The following ELAPOR1 variants were observed in gnomAD, a reference collection of about 807,000 sequenced individuals.
ELAPOR1 encodes endosome/lysosome-associated apoptosis and autophagy regulator 1.
Under a neutral mutation model 119.7 loss-of-function variants are expected in ELAPOR1, and 77 were observed. The ratio of observed to expected loss-of-function variants is 0.64; its 90% CI spans 0.54 to 0.78. The LOEUF (loss-of-function observed/expected upper bound fraction) is 0.78. ELAPOR1 is among the 30% of genes least tolerant of loss of function. ELAPOR1 has a pLI of 0.00. For synonymous variants in ELAPOR1, 481 were observed against 487.2 expected, an observed-to-expected ratio of 0.99 and a Z score of 0.17; for missense variants, 1,115 against 1,270.4, an observed-to-expected ratio of 0.88 and a Z score of 1.86.
At chr1:109,146,281 C>T (rs1309927933) in intron 1 of ELAPOR1, among the ~76,000 whole-genome samples, 2 of 151,910 alleles carry the variant, frequency 1.3e-5, no homozygotes, top group Non-Finnish European at 2.9e-5. Flanking sequence ...AATTGAGTCG[C>T]TGCACTCCAG....
intron 1 of ELAPOR1, 23 bp downstream of exon 1, chr1:109,114,359 T>G (rs586530): frequency 1.3e-6 from 2 of 1,549,198 alleles, no homozygotes; most frequent in South Asian, 2.4e-5. Flanking sequence ...CCCTACCCGA[T>G]CCCGCTTTGG....
At chr1:109,194,706 GGA>G in intron 15 of ELAPOR1, 112 bp downstream of exon 15, 1 of 940,544 alleles carries the variant, frequency 1.1e-6, no homozygotes. Flanking sequence ...AGGGGGTTGA[GGA>G]GCTTCAAAGG....
intron 1 of ELAPOR1, among the ~76,000 whole-genome samples, chr1:109,154,294 A>AG (rs1250424809): frequency 3.3e-5 from 5 of 151,738 alleles, no homozygotes; most frequent in Admixed American, 1.3e-4. Context: ...AAAAAAAAAA[A>AG]AAAAAAAAAG....
chr1:109,188,584 T>A (rs1653221913), intron 9 of ELAPOR1, among the ~76,000 whole-genome samples: 1 of 152,134 alleles, frequency 6.6e-6, no homozygotes, highest in Non-Finnish European at 1.5e-5. Context: ...TTGCTCCAAC[T>A]GCAAATGTGA....
intron 7 of ELAPOR1, among the ~76,000 whole-genome samples, chr1:109,178,200 G>A (rs901903345): frequency 6.6e-6 from 1 of 152,052 alleles, no homozygotes; most frequent in South Asian, 2.1e-4. Context: ...TAGTAGAGAC[G>A]GGGTTTCACC....
chr1:109,146,946 C>A (rs1417997460), intron 1 of ELAPOR1, among the ~76,000 whole-genome samples: 1 of 151,754 alleles, frequency 6.6e-6, no homozygotes, highest in South Asian at 2.1e-4. Flanking sequence ...CACTTTGTCA[C>A]CCAGGATGGA....
chr1:109,186,205 G>GAGCTTTCC (rs761377065), intron 8 of ELAPOR1, among the ~76,000 whole-genome samples: 5 of 152,038 alleles, frequency 3.3e-5, no homozygotes, highest in African/African-American at 4.8e-5. Context: ...AGGAGCCGTG[G>GAGCTTTCC]AGCTTTCCAG....
At position 109,206,340 on chromosome 1, in the gene ELAPOR1, A is replaced by C. The variant is rs573414033; in HGVS notation, c.*3328A>C. The C allele has an allele frequency of 6.6e-6, 1 of 152,304 alleles. No homozygotes were observed. The highest frequency in any genetic ancestry group is 1.5e-5 in the Non-Finnish European group (1 of 68,026). The allele number at this position is 152,304 out of a possible 1,614,324, so 9.4% of individuals were successfully genotyped here. A position where few individuals can be genotyped will look rare whatever the true frequency, so the allele number is the denominator to read the frequency against. ...TACATGTTCAATTTTCTATGAACAA[A>C]GGCTTTAGTCCTTGACCCAGGGCTA... is the stretch of plus-strand genomic sequence containing the variant. On this transcript the variant is annotated 3_prime_UTR_variant, in exon 22 of 22. Coordinates refer to ENST00000369939, the MANE Select transcript of ELAPOR1 (RefSeq NM_020775.5).
rs779344955 is a variant in ELAPOR1 at position 109,191,912 on chromosome 1, AG to A, written c.1683+51del. ...CCCCCAGGAGAGACCCTCTGAACCC[AG>A]GAGGACTCCTAGCATTAGCTTAAGT... On this transcript the variant is annotated intron_variant, in intron 13 of 21. Coordinates refer to ENST00000369939, the MANE Select transcript of ELAPOR1 (RefSeq NM_020775.5). 1.9e-6 allele frequency: 3 copies of A among 1,604,262 alleles called. No individual in the cohort carries two copies. The South Asian group carries it at 3.3e-5, about 18-fold the overall frequency.
At chr1:109,127,215 CTT>C (rs371961969) in intron 1 of ELAPOR1, among the ~76,000 whole-genome samples, 60 of 128,964 alleles carry the variant, frequency 4.7e-4, no homozygotes, top group African/African-American at 1.1e-3. Context: ...TTTTTCTTTT[CTT>C]TTTTTTTTTT....
At chr1:109,152,961 A>AG (rs1456283908) in intron 1 of ELAPOR1, among the ~76,000 whole-genome samples, 1 of 151,068 alleles carries the variant, frequency 6.6e-6, no homozygotes, top group African/African-American at 2.4e-5. Context: ...CCAAAAAAAA[A>AG]AAAAAAAAGA....
chr1:109,201,233 A>G, intron 21 of ELAPOR1: 1 of 451,460 alleles, frequency 2.2e-6, no homozygotes, highest in Non-Finnish European at 4.3e-6. Flanking sequence ...TTTTATTTTC[A>G]CTGAAAAGGG....
intron 1 of ELAPOR1, among the ~76,000 whole-genome samples, chr1:109,123,511 A>G (rs997760105): frequency 2.0e-5 from 3 of 152,214 alleles, no homozygotes; most frequent in Non-Finnish European, 4.4e-5. Context: ...ACCATAGTCA[A>G]ATTGCATAGT....
chr1:109,189,501 G>A, intron 10 of ELAPOR1, 91 bp from the exon 11 acceptor site: 1 of 1,173,852 alleles, frequency 8.5e-7, no homozygotes, highest in East Asian at 2.4e-5. Context: ...TCAAAAGATG[G>A]TGTCAAACCT....
At chr1:109,137,453 C>A (rs549855928) in intron 1 of ELAPOR1, among the ~76,000 whole-genome samples, 4 of 152,214 alleles carry the variant, frequency 2.6e-5, no homozygotes, top group African/African-American at 9.6e-5. Context: ...ATCTGCCCGC[C>A]TCGGCCGCCC....
intron 1 of ELAPOR1, among the ~76,000 whole-genome samples, chr1:109,159,352 C>T (rs994635070): frequency 1.3e-5 from 2 of 152,220 alleles, no homozygotes; most frequent in African/African-American, 4.8e-5. Context: ...ACCATTTCCT[C>T]AGCAAACCTC....
chr1:109,179,226 C>G (rs1053545524), intron 7 of ELAPOR1, among the ~76,000 whole-genome samples: 3 of 151,482 alleles, frequency 2.0e-5, no homozygotes, highest in African/African-American at 7.3e-5. Context: ...CATGGTGAAA[C>G]CCCATCTCTA....
At chr1:109,122,912 G>A (rs150873173) in intron 1 of ELAPOR1, among the ~76,000 whole-genome samples, 2,394 of 152,266 alleles carry the variant, frequency 0.016, 28 homozygotes, top group Admixed American at 0.028. Context: ...AGCCATGATG[G>A]CACCAGAGTA....
At chr1:109,179,028 G>A (rs988489387) in intron 7 of ELAPOR1, among the ~76,000 whole-genome samples, 7 of 151,910 alleles carry the variant, frequency 4.6e-5, no homozygotes, top group Non-Finnish European at 7.4e-5. Flanking sequence ...AGAAAAGAAG[G>A]AAAAGTTTCA....
Sources: gnomAD v4.1 joint callset for allele counts (sites outside exome capture counted in the v4.1 genomes callset) on GRCh38, gnomAD v4.1.1 for gene constraint, MANE v1.5 for transcripts, NCBI Gene and HGNC (gene_info 2026-07-23, HGNC 2026-07-21) for gene names.